The following TMEM40 variants were observed in gnomAD, a reference collection of about 807,000 sequenced individuals.
The protein encoded by TMEM40 is transmembrane protein 40.
TMEM40 carries 34 observed loss-of-function variants against 40.8 expected under a neutral mutation model. The ratio of observed to expected loss-of-function variants is 0.83; its 90% CI spans 0.63 to 1.11. TMEM40 has a LOEUF of 1.11. Among genes scored for constraint, TMEM40 ranks in the 50% least tolerant of loss-of-function variants. TMEM40 has a pLI of 0.00. For synonymous variants in TMEM40, 106 were observed against 107.0 expected, an observed-to-expected ratio of 0.99 and a Z score of 0.06; for missense variants, 296 against 280.2, an observed-to-expected ratio of 1.06 and a Z score of -0.40.
At chr3:12,766,637 C>A (rs2061596079) in intron 1 of TMEM40, among the ~76,000 whole-genome samples, 1 of 151,788 alleles carries the variant, frequency 6.6e-6, no homozygotes, top group South Asian at 2.1e-4. Context: ...CAGATAGTAA[C>A]CTTTTGTCAG....
upstream of TMEM40, among the ~76,000 whole-genome samples, chr3:12,760,237 A>G (rs972958750): frequency 6.6e-6 from 1 of 152,038 alleles, no homozygotes; most frequent in Non-Finnish European, 1.5e-5. Context: ...CTCATCAGCC[A>G]GGCAGCCAGG....
chr3:12,764,481 T>C (rs979636170), intron 1 of TMEM40, among the ~76,000 whole-genome samples: 3 of 152,190 alleles, frequency 2.0e-5, no homozygotes, highest in Admixed American at 2.0e-4. Flanking sequence ...ACTCACAGAT[T>C]TGGAAGCTCC....
At chr3:12,745,218 C>A (rs2061417940) in intron 3 of TMEM40, among the ~76,000 whole-genome samples, 1 of 137,102 alleles carries the variant, frequency 7.3e-6, no homozygotes, top group Non-Finnish European at 1.5e-5. Context: ...CACCACCACA[C>A]CTGGCTAATT....
At chr3:12,739,547 G>A (rs2061365451) in intron 5 of TMEM40, among the ~76,000 whole-genome samples, 1 of 151,852 alleles carries the variant, frequency 6.6e-6, no homozygotes, top group Non-Finnish European at 1.5e-5. Context: ...GCCTCCCAAA[G>A]TGCTGGGATT....
At chr3:12,742,583 G>T in intron 4 of TMEM40, 76 bp from the exon 5 acceptor site, 1 of 1,543,562 alleles carries the variant, frequency 6.5e-7, no homozygotes, top group Non-Finnish European at 8.9e-7. Flanking sequence ...CCATGGCTTC[G>T]ACGCTTAAGA....
At chr3:12,748,071 G>C (rs1283941961) in intron 3 of TMEM40, among the ~76,000 whole-genome samples, 1 of 152,146 alleles carries the variant, frequency 6.6e-6, no homozygotes, top group Non-Finnish European at 1.5e-5. Context: ...AAACCTGGGA[G>C]GGGAAGACCA....
intron 9 of TMEM40, 34 bp downstream of exon 9, chr3:12,736,730 C>T: frequency 2.5e-6 from 4 of 1,613,958 alleles, no homozygotes; most frequent in South Asian, 1.1e-5. Flanking sequence ...CCATGCCATC[C>T]CCCTTGTGCA....
chr3:12,740,904 CA>C (rs1559526019), intron 5 of TMEM40, among the ~76,000 whole-genome samples: 8 of 152,032 alleles, frequency 5.3e-5, no homozygotes, highest in African/African-American at 1.7e-4. Flanking sequence ...CCCTGCCCCC[CA>C]AAAAACCATT....
At chr3:12,755,280 T>TTTCG (rs1559533516) in intron 1 of TMEM40, among the ~76,000 whole-genome samples, 1 of 129,326 alleles carries the variant, frequency 7.7e-6, no homozygotes, top group Non-Finnish European at 1.6e-5. Context: ...TCTTTCTTTC[T>TTTCG]TTCTTCTTTT....
chr3:12,735,867 A>G (rs1204510024), intron 10 of TMEM40, among the ~76,000 whole-genome samples: 2 of 152,208 alleles, frequency 1.3e-5, no homozygotes, highest in East Asian at 3.9e-4. Flanking sequence ...TGTTTTCAGT[A>G]TCTGGCTAGT....
At chr3:12,768,031 G>T (rs1011704996) in intron 1 of TMEM40, among the ~76,000 whole-genome samples, 3 of 152,170 alleles carry the variant, frequency 2.0e-5, no homozygotes, top group African/African-American at 7.2e-5. Flanking sequence ...CTGACTTCAA[G>T]AATGAAGCCA....
chr3:12,760,843 G>A (rs1018447979), upstream of TMEM40, among the ~76,000 whole-genome samples: 4 of 151,888 alleles, frequency 2.6e-5, no homozygotes, highest in African/African-American at 9.7e-5. Context: ...CTGGGCTCAA[G>A]CCATCCTCTC....
intron 1 of TMEM40, among the ~76,000 whole-genome samples, chr3:12,751,255 C>T (rs533525156): frequency 4.3e-5 from 6 of 138,422 alleles, no homozygotes; most frequent in African/African-American, 9.0e-5. Context: ...TCCCCCATCT[C>T]GTAGGCCCCA....
intron 1 of TMEM40, among the ~76,000 whole-genome samples, chr3:12,758,070 A>T (rs1047736691): frequency 1.1e-4 from 14 of 124,014 alleles, no homozygotes; most frequent in South Asian, 7.5e-4. Context: ...TCTGTTATTT[A>T]AAAAAAAAAA....
upstream of TMEM40, chr3:12,759,424 G>A (rs1194366580): frequency 2.0e-5 from 3 of 152,470 alleles, no homozygotes; most frequent in Non-Finnish European, 4.4e-5. Flanking sequence ...ACACTGCGGA[G>A]GGGCAGGTGG....
intron 5 of TMEM40, 85 bp from the exon 6 acceptor site, chr3:12,738,673 C>G (rs1391885197): frequency 7.0e-7 from 1 of 1,432,864 alleles, no homozygotes; most frequent in Admixed American, 1.7e-5. Flanking sequence ...GGATCCTGCT[C>G]GGAGACTTCC....
At chr3:12,755,473 A>G (rs1456689786) in intron 1 of TMEM40, among the ~76,000 whole-genome samples, 1 of 151,736 alleles carries the variant, frequency 6.6e-6, no homozygotes, top group Non-Finnish European at 1.5e-5. Flanking sequence ...ATAATATTCT[A>G]AAAATGACAA....
chr3:12,755,557 G>A (rs2061520977), intron 1 of TMEM40, among the ~76,000 whole-genome samples: 1 of 152,076 alleles, frequency 6.6e-6, no homozygotes. Flanking sequence ...TGGCTTAGAT[G>A]TTCTTAGCTC....
chr3:12,739,098 A>G (rs61606350), intron 5 of TMEM40: 2,604 of 158,176 alleles, frequency 0.016, 68 homozygotes, highest in African/African-American at 0.056. Flanking sequence ...GGCTGCAGTG[A>G]GCCAAGATCA....
Sources: allele counts gnomAD v4.1 joint callset (sites outside exome capture counted in the v4.1 genomes callset), GRCh38; gene constraint gnomAD v4.1.1; transcripts MANE v1.5; gene names NCBI Gene and HGNC (gene_info 2026-07-23, HGNC 2026-07-21).